MBOAT1: variants seen among roughly 807,000 people sequenced by gnomAD.
MBOAT1 encodes the protein membrane-bound glycerophospholipid O-acyltransferase 1.
MBOAT1 carries 67 observed loss-of-function variants against 64.4 expected under a neutral mutation model. That is an observed-to-expected ratio of 1.04 (90% CI 0.85 to 1.27). The LOEUF is 1.27. MBOAT1 is among the 50% of genes most tolerant of loss of function. The probability of loss-of-function intolerance (pLI) is 0.00; values close to 1 mark genes in which losing one functional copy is unlikely to be tolerated. For missense variants in MBOAT1, 563 were observed against 604.6 expected (o/e 0.93, Z 0.72); for synonymous variants, 229 against 218.9 (o/e 1.05, Z -0.41).
chr6:20,197,667 T>A (rs1762995900), intron 1 of MBOAT1, among the ~76,000 whole-genome samples: 1 of 152,220 alleles, frequency 6.6e-6, no homozygotes, highest in Admixed American at 6.5e-5. Flanking sequence ...CCTTTTAGGA[T>A]AGAACCAATG....
chr6:20,137,185 G>A (rs1761021495), intron 4 of MBOAT1, among the ~76,000 whole-genome samples: 1 of 152,090 alleles, frequency 6.6e-6, no homozygotes, highest in Non-Finnish European at 1.5e-5. Context: ...CCTTCCAGAA[G>A]AGTTATGCCA....
chr6:20,101,398 C>T lies in MBOAT1; in HGVS notation c.*888G>A, dbSNP rs1445213912. On this transcript the variant is annotated 3_prime_UTR_variant, in exon 13 of 13. Coordinates refer to ENST00000324607, the MANE Select transcript of MBOAT1 (RefSeq NM_001080480.3). Reference sequence around the variant, plus strand: ...ACAGCCTATTTGAGGGCATGCCTGACTTTCAGTCCATGCACTAGTCCTCTT... The same window carrying T: ...ACAGCCTATTTGAGGGCATGCCTGATTTTCAGTCCATGCACTAGTCCTCTT... Among the ~76,000 whole-genome samples, 1 of 152,206 alleles carries T rather than the reference C, an allele frequency of 6.6e-6. No homozygotes were observed. The highest frequency in any genetic ancestry group is 2.4e-5 in the African/African-American group (1 of 41,450).
intron 5 of MBOAT1, among the ~76,000 whole-genome samples, chr6:20,130,543 G>A (rs1465335107): frequency 6.6e-6 from 1 of 151,924 alleles, no homozygotes. Flanking sequence ...TAGTAGAGAC[G>A]GGGGTTTCAT....
In MBOAT1 at chr6:20,131,145, A is replaced by G. The variant is rs774806715; in HGVS notation, c.474T>C (p.Asp158=). 27 of 1,613,580 alleles carry G rather than the reference A, an allele frequency of 1.7e-5. No homozygotes were observed. Among genetic ancestry groups the G allele is most frequent in the Non-Finnish European group, 2.2e-5 (26 of 1,179,612 alleles). Residue 158 remains aspartate, a splice_region_variant and synonymous_variant, in exon 5 of 13, where the codon GAT becomes GAC. Coordinates refer to ENST00000324607, the MANE Select transcript of MBOAT1 (RefSeq NM_001080480.3). The part of the protein sequence containing the change: ...KITTLAFQVH[D]GLGRRAEDLS... ...CAAAAGGAGGGCTGCTGTTCTTACC[A>G]TCATGAACCTGGAATGCCAAGGTTG...
chr6:20,102,581 T>C (rs181501275), intron 12 of MBOAT1, among the ~76,000 whole-genome samples, 169 bp from the exon 13 acceptor site: 15 of 152,250 alleles, frequency 9.9e-5, no homozygotes, highest in African/African-American at 3.6e-4. Flanking sequence ...CTCCCTTTGG[T>C]AGGTGAGCGG....
intron 1 of MBOAT1, among the ~76,000 whole-genome samples, chr6:20,205,198 C>T (rs964052196): frequency 6.6e-6 from 1 of 150,750 alleles, no homozygotes; most frequent in Non-Finnish European, 1.5e-5. Flanking sequence ...GATCCCATCT[C>T]AGAAAGAAAA....
At chr6:20,152,087 A>G (rs950110727) in intron 2 of MBOAT1, among the ~76,000 whole-genome samples, 1 of 152,090 alleles carries the variant, frequency 6.6e-6, no homozygotes, top group Admixed American at 6.5e-5. Context: ...TTGGGAGGCC[A>G]AGGCGGATGG....
intron 1 of MBOAT1, among the ~76,000 whole-genome samples, chr6:20,169,605 G>T (rs1392074092): frequency 7.8e-6 from 1 of 128,700 alleles, no homozygotes; most frequent in Non-Finnish European, 1.7e-5. Context: ...ACAATTCTCC[G>T]TTAAAAAAAA....
At chr6:20,157,897 T>C (rs1165913212) in intron 1 of MBOAT1, among the ~76,000 whole-genome samples, 2 of 152,090 alleles carry the variant, frequency 1.3e-5, no homozygotes, top group Non-Finnish European at 2.9e-5. Context: ...GGCTCATGCC[T>C]GTAATCCCAG....
At chr6:20,114,258 C>T (rs910355565) in intron 10 of MBOAT1, among the ~76,000 whole-genome samples, 2 of 152,170 alleles carry the variant, frequency 1.3e-5, no homozygotes, top group Non-Finnish European at 2.9e-5. Flanking sequence ...GTGGAATCTG[C>T]TTCAAAGCTT....
At position 20,124,441 on chromosome 6, in the gene MBOAT1, A is replaced by G. The variant is rs530086889; in HGVS notation, c.874T>C (p.Ser292Pro). 3 of 1,614,198 alleles carry G rather than the reference A, an allele frequency of 1.9e-6. No individual in the cohort carries two copies. The Admixed American group carries it at 5.0e-5, about 27-fold the overall frequency. ...LCYLYVVMQA[S>P]KPKYYFAWTL... ...CATGCAAAGTAATACTTGGGCTTTG[A>G]GGCTTGCATGACAACATATAAGTAG... Residue 292 changes from serine to proline, a missense_variant, in exon 8 of 13, where the codon TCA (serine) becomes CCA (proline). Ser to Pro is a moderately conservative substitution (Grantham distance 74, BLOSUM62 -1). Coordinates refer to ENST00000324607, the MANE Select transcript of MBOAT1 (RefSeq NM_001080480.3).
At chr6:20,114,904 T>G (rs1228977659) in intron 10 of MBOAT1, among the ~76,000 whole-genome samples, 1 of 150,442 alleles carries the variant, frequency 6.6e-6, no homozygotes, top group African/African-American at 2.5e-5. Flanking sequence ...AAAAAAAAAT[T>G]TAATTCTGAA....
At chr6:20,108,290 G>A (rs961595803) in intron 12 of MBOAT1, among the ~76,000 whole-genome samples, 5 of 152,160 alleles carry the variant, frequency 3.3e-5, no homozygotes, top group Non-Finnish European at 5.9e-5. Flanking sequence ...TACCTCTCTA[G>A]CAGCTGAACT....
intron 1 of MBOAT1, among the ~76,000 whole-genome samples, chr6:20,197,522 A>G (rs115153800): frequency 0.025 from 3,781 of 152,210 alleles, 61 homozygotes; most frequent in Non-Finnish European, 0.036. Context: ...AGCAAAAGTG[A>G]CTGTTCCTCT....
chr6:20,134,516 A>G (rs1760921019), intron 4 of MBOAT1, among the ~76,000 whole-genome samples: 1 of 152,214 alleles, frequency 6.6e-6, no homozygotes, highest in Non-Finnish European at 1.5e-5. Flanking sequence ...AAATAAAAAG[A>G]AACAATTCAC....
chr6:20,107,256 A>T (rs1372928439), intron 12 of MBOAT1, among the ~76,000 whole-genome samples: 1 of 152,046 alleles, frequency 6.6e-6, no homozygotes, highest in Admixed American at 6.6e-5. Flanking sequence ...TCCACCTTGG[A>T]TTCTATGTTC....
At chr6:20,109,346 A>G (rs568034247) in intron 12 of MBOAT1, among the ~76,000 whole-genome samples, 48 of 152,274 alleles carry the variant, frequency 3.2e-4, no homozygotes, top group Middle Eastern at 6.8e-3. Context: ...ATATACTGCC[A>G]TGAGGGGGCC....
At position 20,100,762 on chromosome 6, in the gene MBOAT1, G is replaced by A. The variant is rs187843288; in HGVS notation, c.*1524C>T. On this transcript the variant is annotated 3_prime_UTR_variant, in exon 13 of 13. Transcript: ENST00000324607. Reference sequence around the variant, plus strand: ...ATAAGAAATTAATTTTTTATCGTTGGATTTGAATAAATTTTCTTCTCCCAA... The same window carrying A: ...ATAAGAAATTAATTTTTTATCGTTGAATTTGAATAAATTTTCTTCTCCCAA... Among the ~76,000 whole-genome samples, 1 of 152,232 alleles carries A rather than the reference G, an allele frequency of 6.6e-6. No individual in the cohort carries two copies. Among genetic ancestry groups the A allele is most frequent in the East Asian group, 1.9e-4 (1 of 5,180 alleles).
At chr6:20,144,976 G>A (rs1240159302) in intron 3 of MBOAT1, among the ~76,000 whole-genome samples, 1 of 152,018 alleles carries the variant, frequency 6.6e-6, no homozygotes, top group East Asian at 1.9e-4. Flanking sequence ...GTTCCTGACT[G>A]CCTTATAGTA....
Sources: gnomAD v4.1 joint callset for allele counts (sites outside exome capture counted in the v4.1 genomes callset) on GRCh38, gnomAD v4.1.1 for gene constraint, MANE v1.5 for transcripts, NCBI Gene and HGNC (gene_info 2026-07-23, HGNC 2026-07-21) for gene names.